Variants in FRMD1 observed in about 807,000 individuals in gnomAD.
FRMD1 encodes the protein FERM domain containing 1, also known as FERM domain-containing protein 1.
FRMD1 carries 51 observed loss-of-function variants against 54.9 expected under a neutral mutation model. The observed-to-expected ratio is 0.93, with a 90% CI of 0.74 to 1.17. The LOEUF (loss-of-function observed/expected upper bound fraction) is 1.17, where lower values mean the gene tolerates loss of function less well. Among genes scored for constraint, FRMD1 ranks in the 50% most tolerant of loss-of-function variants. The probability of loss-of-function intolerance (pLI) is 0.00; values close to 1 mark genes in which losing one functional copy is unlikely to be tolerated. For synonymous variants in FRMD1, 324 were observed against 306.4 expected (o/e 1.06, Z -0.60); for missense variants, 729 against 743.0 (o/e 0.98, Z 0.22).
At chr6:168,067,595 G>A (rs543796885) in intron 2 of FRMD1, 149 bp from the exon 3 acceptor site, 4 of 589,940 alleles carry the variant, frequency 6.8e-6, no homozygotes, top group Non-Finnish European at 1.2e-5. Context: ...GGCTTTCCTT[G>A]GCTGACAACG....
rs570718154 is a variant in FRMD1, at chr6:168,062,664, C to A, written c.870+230G>T. The A allele has an allele frequency of 1.0e-4, 156 of 1,550,392 alleles. 1 individual carries two copies. In the East Asian group the frequency reaches 3.8e-3, roughly 37 times the overall value. ...TTCCAGGGCACGGGGACCCCCCAGA[C>A]ACCCACCAGAAATGCCAGCTTCCCA... On this transcript the variant is annotated intron_variant, in intron 7 of 10. Transcript: ENST00000283309.
chr6:168,062,017 T>C (rs750020191), intron 7 of FRMD1, 36 bp from the exon 8 acceptor site: 14 of 1,559,040 alleles, frequency 9.0e-6, no homozygotes, highest in Non-Finnish European at 1.2e-5. Context: ...ACTCCACAGG[T>C]GGAAAACCAC....
At chr6:168,061,673 C>T in intron 8 of FRMD1, 134 bp downstream of exon 8, 1 of 968,112 alleles carries the variant, frequency 1.0e-6, no homozygotes, top group South Asian at 1.7e-5. Flanking sequence ...ACCTCAGCAT[C>T]TGGGGGACGT....
At position 168,061,993 on chromosome 6, in the gene FRMD1, GGAGAGAA is replaced by G; in HGVS notation, c.871-19_871-13del. 6.3e-7 allele frequency: 1 copy of G among 1,582,766 alleles called. No homozygotes were observed. Among genetic ancestry groups the G allele is most frequent in the Non-Finnish European group, 8.6e-7 (1 of 1,163,156 alleles). On this transcript the variant is annotated splice_polypyrimidine_tract_variant and intron_variant, in intron 7 of 10. Coordinates refer to ENST00000283309, the MANE Select transcript of FRMD1 (RefSeq NM_024919.6). ...TCCAGCTTCTTTCCCTGAGCAAACAGGAGAGAAGTTGCCACTCCACAGGTGGAAAACC... is the reference window on the plus strand; with the variant it reads ...TCCAGCTTCTTTCCCTGAGCAAACAGGTTGCCACTCCACAGGTGGAAAACC...
upstream of FRMD1, chr6:168,081,235 C>A (rs1006122893): frequency 9.9e-7 from 1 of 1,013,460 alleles, no homozygotes. Flanking sequence ...GAGTACCTCC[C>A]GCCAGGGCAC....
At chr6:168,065,309 G>T (rs1799973439) in intron 4 of FRMD1, 1 of 1,284,440 alleles carries the variant, frequency 7.8e-7, no homozygotes, top group Non-Finnish European at 9.9e-7. Flanking sequence ...ACCTGCCGAG[G>T]TCCCACTCCT....
At position 168,056,731 on chromosome 6, in the gene FRMD1, T is replaced by G. The variant is rs1437257456; in HGVS notation, c.*366A>C. ...GTGTGGGAAACTGCAGAGCTGTCTC[T>G]CCAGGGTCTGGGCCCAGCTGTGTCA... On this transcript the variant is annotated 3_prime_UTR_variant, in exon 11 of 11. Transcript: ENST00000283309. 1.1e-5 allele frequency: 2 copies of G among 179,980 alleles called. No homozygotes were observed. Among genetic ancestry groups the G allele is most frequent in the Admixed American group, 5.6e-5 (1 of 17,816 alleles). The allele number at this position is 179,980 out of a possible 1,614,324, so 11.1% of individuals were successfully genotyped here. A position where few individuals can be genotyped will look rare whatever the true frequency, so the allele number is the denominator to read the frequency against.
chr6:168,092,091 T>C (rs979548433), intron 1 of FRMD1, among the ~76,000 whole-genome samples: 2 of 152,218 alleles, frequency 1.3e-5, no homozygotes, highest in Non-Finnish European at 2.9e-5. Flanking sequence ...TCAAATGTCA[T>C]CTCTGTGGAC....
intron 1 of FRMD1, among the ~76,000 whole-genome samples, chr6:168,090,431 T>C (rs2880101): frequency 0.65 from 99,566 of 152,098 alleles, 32,613 homozygotes; most frequent in Middle Eastern, 0.78. Context: ...GTAGCCACCC[T>C]AGCCCCTTGC....
rs1385710746 is a variant in FRMD1, at chr6:168,058,518, G to C, written c.1407+606C>G. Among the ~76,000 whole-genome samples, 7 of 143,476 alleles carry C rather than the reference G, an allele frequency of 4.9e-5. No individual in the cohort carries two copies. In the East Asian group the frequency reaches 9.2e-4, roughly 19 times the overall value. The allele number at this position is 143,476 out of a possible 152,430, so 94.1% of individuals were successfully genotyped here. A position where few individuals can be genotyped will look rare whatever the true frequency, so the allele number is the denominator to read the frequency against. On this transcript the variant is annotated intron_variant, in intron 10 of 10. Coordinates refer to ENST00000283309, the MANE Select transcript of FRMD1 (RefSeq NM_024919.6). ...TTCCAGGGGGATTCTGAACAGGGCT[G>C]ACCAGAGGGGGCCTCACCCTCCTGT...
At chr6:168,084,879 G>C (rs1800892641), upstream of FRMD1, among the ~76,000 whole-genome samples, 1 of 152,188 alleles carries the variant, frequency 6.6e-6, no homozygotes, top group Non-Finnish European at 1.5e-5. Context: ...CCCAAATGAG[G>C]GTGGCAACCA....
chr6:168,087,367 C>A (rs922085977), intron 1 of FRMD1, among the ~76,000 whole-genome samples: 1 of 152,244 alleles, frequency 6.6e-6, no homozygotes, highest in African/African-American at 2.4e-5. Context: ...TGTGCCCGAA[C>A]TTATTTCACC....
rs1184435870 is a variant in FRMD1, at chr6:168,075,715, T to G, written c.214-380A>C. 2.2e-5 allele frequency: 33 copies of G among 1,513,976 alleles called. 1 individual carries two copies. Among genetic ancestry groups the G allele is most frequent in the Non-Finnish European group, 2.2e-5 (25 of 1,114,080 alleles). The allele number at this position is 1,513,976 out of a possible 1,614,324, so 93.8% of individuals were successfully genotyped here. A position where few individuals can be genotyped will look rare whatever the true frequency, so the allele number is the denominator to read the frequency against. On this transcript the variant is annotated intron_variant, in intron 1 of 10. Transcript: ENST00000283309. ...GCACAAATGAATGCTTGGTTCCCCA[T>G]GAGCGCGAGCATCGGTGTCTCACAT...
chr6:168,085,642 C>T (rs556596664), upstream of FRMD1, among the ~76,000 whole-genome samples: 17 of 152,324 alleles, frequency 1.1e-4, no homozygotes, highest in South Asian at 3.1e-3. Flanking sequence ...GACGGAAGGG[C>T]GTGGCCACCA....
intron 3 of FRMD1, 127 bp from the exon 4 acceptor site, chr6:168,066,958 A>G: frequency 8.5e-7 from 1 of 1,182,020 alleles, no homozygotes; most frequent in South Asian, 1.4e-5. Context: ...AGGTGTCTGC[A>G]GCCATAGCTG....
chr6:168,058,136 C>T (rs933337023), intron 10 of FRMD1, among the ~76,000 whole-genome samples: 6 of 151,922 alleles, frequency 3.9e-5, no homozygotes, highest in African/African-American at 9.7e-5. Context: ...TCCCTCCTCC[C>T]GTGCCCAGCC....
chr6:168,075,238 T>C lies in FRMD1; in HGVS notation c.304+7A>G, dbSNP rs1335019483. 2.5e-6 allele frequency: 4 copies of C among 1,613,094 alleles called. No individual in the cohort carries two copies. The highest frequency in any genetic ancestry group is 1.3e-5 in the African/African-American group (1 of 75,036). ...ATTCCTGCAGGTGGGGACTGAGCGA[T>C]GCTTACTTCTGACCACACAGAGGCC... is the stretch of plus-strand genomic sequence containing the variant. On this transcript the variant is annotated splice_region_variant and intron_variant, in intron 2 of 10. Transcript: ENST00000283309.
intron 1 of FRMD1, among the ~76,000 whole-genome samples, chr6:168,076,369 C>A (rs1280564296): frequency 6.6e-6 from 1 of 152,228 alleles, no homozygotes; most frequent in Non-Finnish European, 1.5e-5. Flanking sequence ...AGACTGACTT[C>A]CTTATTGATA....
chr6:168,076,910 C>T (rs958040623), intron 1 of FRMD1, among the ~76,000 whole-genome samples: 4 of 151,412 alleles, frequency 2.6e-5, no homozygotes, highest in Non-Finnish European at 5.9e-5. Context: ...TCCAATAGAG[C>T]GTTCCCTGTC....
Sources: allele counts gnomAD v4.1 joint callset (sites outside exome capture counted in the v4.1 genomes callset), GRCh38; gene constraint gnomAD v4.1.1; transcripts MANE v1.5; gene names NCBI Gene and HGNC (gene_info 2026-07-23, HGNC 2026-07-21).